RSPH10B2: variants seen among roughly 807,000 people sequenced by gnomAD.
RSPH10B2 encodes radial spoke head 10 homolog B2.
Under a neutral mutation model 49.0 loss-of-function variants are expected in RSPH10B2, and 9 were observed. The ratio of observed to expected loss-of-function variants is 0.18; its 90% CI spans 0.11 to 0.32. RSPH10B2 has a LOEUF of 0.32. RSPH10B2 is among the 10% of genes least tolerant of loss of function. The pLI, the probability that RSPH10B2 is intolerant of heterozygous loss-of-function variation, is 1.00. For synonymous variants in RSPH10B2, 35 were observed against 210.2 expected (o/e 0.17, Z 7.21); for missense variants, 95 against 589.9 (o/e 0.16, Z 8.69).
At chr7:6,768,049 G>A (rs868453022) in intron 6 of RSPH10B2, among the ~76,000 whole-genome samples, 4 of 148,332 alleles carry the variant, frequency 2.7e-5, no homozygotes, top group East Asian at 1.9e-4. Flanking sequence ...AAAATTAGCC[G>A]GGAGTGGTCT....
At position 6,797,864 on chromosome 7, in the gene RSPH10B2, A is replaced by AATAC. The variant is rs1554257881; in HGVS notation, c.2433-497_2433-494dup. Among the ~76,000 whole-genome samples, 75 of 71,334 alleles carry AATAC rather than the reference A, an allele frequency of 1.1e-3. 20 individuals are homozygous for AATAC. The highest frequency in any genetic ancestry group is 5.2e-3 in the African/African-American group (73 of 14,148). The allele number at this position is 71,334 out of a possible 152,430, so 46.8% of individuals were successfully genotyped here. On this transcript the variant is annotated intron_variant, in intron 18 of 18. Transcript: ENST00000297186. The stretch of plus-strand genomic sequence containing the variant: ...TAAGACCCTATCTCAAAAAAAAAAA[A>AATAC]ATACACACACACACACACACACACG...
intron 1 of RSPH10B2, among the ~76,000 whole-genome samples, chr7:6,758,360 T>C (rs1781149173): frequency 6.8e-6 from 1 of 147,970 alleles, no homozygotes; most frequent in Non-Finnish European, 1.5e-5. Flanking sequence ...TACATGGGCA[T>C]GTTGTGTGAT....
chr7:6,763,763 A>G (rs1209527486), intron 3 of RSPH10B2, among the ~76,000 whole-genome samples, 165 bp from the exon 6 acceptor site: 3 of 146,224 alleles, frequency 2.1e-5, no homozygotes, highest in African/African-American at 7.5e-5. Context: ...GAGAGCAGAC[A>G]AGGAAGGAAG....
chr7:6,771,104 A>T (rs1781629134), intron 7 of RSPH10B2: 1 of 61,358 alleles, frequency 1.6e-5, no homozygotes, highest in South Asian at 8.0e-4. Context: ...GAGCCTGATT[A>T]TGTGTAGAGT....
intron 10 of RSPH10B2, among the ~76,000 whole-genome samples, chr7:6,777,203 G>C (rs1781782501): frequency 1.7e-5 from 1 of 58,664 alleles, no homozygotes; most frequent in Non-Finnish European, 3.2e-5. Context: ...TTACAGGCAT[G>C]TGCCACCATG....
intron 11 of RSPH10B2, among the ~76,000 whole-genome samples, chr7:6,779,962 C>T (rs1215128422): frequency 1.5e-5 from 2 of 132,058 alleles, no homozygotes; most frequent in Non-Finnish European, 3.2e-5. Context: ...CATGTGCCAC[C>T]ATGCCTGGCT....
rs1053749951 is a variant in RSPH10B2 at position 6,786,721 on chromosome 7, ATG to A, written c.1867-147_1867-146del. 7.1e-5 allele frequency among the ~76,000 whole-genome samples: 10 copies of A among 140,424 alleles called. 1 individual carries two copies. The highest frequency in any genetic ancestry group is 1.4e-4 in the Non-Finnish European group (9 of 65,834). 92.1% of individuals were successfully genotyped at this position (140,424 alleles called of 152,430 possible). A position where few individuals can be genotyped will look rare whatever the true frequency, so the allele number is the denominator to read the frequency against. ...TGTGCGTGTCTGTGCGTGTGTGTGC[ATG>A]TGTGTGTGTCTTTGTGCACATGTCT... On this transcript the variant is annotated intron_variant, in intron 14 of 18. Transcript: ENST00000297186.
rs1781879038 is a variant in RSPH10B2, at chr7:6,780,119, A to G, written c.1529+395A>G. Among the ~76,000 whole-genome samples the G allele has an allele frequency of 1.8e-5, 2 of 110,376 alleles. 1 individual carries two copies. The allele number at this position is 110,376 out of a possible 152,430, so 72.4% of individuals were successfully genotyped here. ...ATTACAGGCGTGAGCCACCATGCCC[A>G]GCCTCAGCAGTCTTTTTTTAACATA... On this transcript the variant is annotated intron_variant, in intron 11 of 18. Coordinates refer to ENST00000297186, the Ensembl canonical transcript of RSPH10B2.
At position 6,779,924 on chromosome 7, in the gene RSPH10B2, C is replaced by T. The variant is rs1237307884; in HGVS notation, c.1529+200C>T. Among the ~76,000 whole-genome samples the T allele has an allele frequency of 4.6e-5, 6 of 131,794 alleles. 2 individuals are homozygous for T. Among genetic ancestry groups the T allele is most frequent in the African/African-American group, 1.7e-4 (6 of 35,900 alleles). 86.5% of individuals were successfully genotyped at this position (131,794 alleles called of 152,430 possible). On this transcript the variant is annotated intron_variant, in intron 11 of 18. Coordinates refer to ENST00000297186, the Ensembl canonical transcript of RSPH10B2. ...CCCGGTTCAAGCAATTCTTCTGCCT[C>T]GGGCTCCTGGGTAGCTGAGATGACA...
In RSPH10B2 at chr7:6,785,427, G is replaced by A. The variant is rs553702621; in HGVS notation, c.1759-522G>A. Among the ~76,000 whole-genome samples the A allele has an allele frequency of 4.8e-4, 73 of 152,378 alleles. No individual in the cohort carries two copies. The South Asian group carries it at 7.5e-3, about 16-fold the overall frequency. On this transcript the variant is annotated intron_variant, in intron 13 of 18. Coordinates refer to ENST00000297186, the Ensembl canonical transcript of RSPH10B2. ...GCCTGGGCTCAAGTGATCCTCCCAC[G>A]TCGGCCTCACAAGGTTCTGGGATTA...
intron 3 of RSPH10B2, among the ~76,000 whole-genome samples, chr7:6,760,917 G>T (rs1583495512): frequency 6.2e-5 from 2 of 32,054 alleles, no homozygotes; most frequent in African/African-American, 1.5e-4. Flanking sequence ...TTGCCATGTT[G>T]CCCAGGCTGG....
At chr7:6,780,202 T>C (rs1186367982) in intron 11 of RSPH10B2, among the ~76,000 whole-genome samples, 1 of 113,898 alleles carries the variant, frequency 8.8e-6, no homozygotes, top group African/African-American at 3.2e-5. Context: ...CACAAAGCCA[T>C]GACATACTGG....
chr7:6,784,686 C>G (rs905164842), intron 13 of RSPH10B2, among the ~76,000 whole-genome samples: 1 of 129,130 alleles, frequency 7.7e-6, no homozygotes, highest in Non-Finnish European at 1.6e-5. Context: ...TTGCCTCAGC[C>G]TCCCGAGTAG....
chr7:6,795,656 G>A (rs985086994), intron 17 of RSPH10B2, among the ~76,000 whole-genome samples: 1 of 142,034 alleles, frequency 7.0e-6, no homozygotes, highest in African/African-American at 2.6e-5. Context: ...AGCTACTTGG[G>A]AGGCTGAGGT....
intron 14 of RSPH10B2, among the ~76,000 whole-genome samples, chr7:6,786,330 C>A (rs1175538217): frequency 9.1e-6 from 1 of 110,292 alleles, no homozygotes; most frequent in Non-Finnish European, 1.8e-5. Flanking sequence ...CTACAGGCGC[C>A]CGCCACCACG....
chr7:6,787,673 C>CTTT (rs1292117607), intron 15 of RSPH10B2, among the ~76,000 whole-genome samples: 1 of 25,132 alleles, frequency 4.0e-5, no homozygotes, highest in Non-Finnish European at 6.0e-5. Context: ...CCAGCTAATT[C>CTTT]TTTTTTTTTT....
intron 12 of RSPH10B2, 72 bp from the exon 15 acceptor site, chr7:6,781,256 G>A (rs1353210127): frequency 1.6e-6 from 2 of 1,284,848 alleles, no homozygotes; most frequent in Non-Finnish European, 2.0e-6. Context: ...AAAAGCAATA[G>A]GATTATATTT....
At position 6,781,873 on chromosome 7, in the gene RSPH10B2, T is replaced by TATATATATATAAATATATATATAATAA. The variant is rs1781947864; in HGVS notation, c.1758+408_1758+434dup. Among the ~76,000 whole-genome samples the TATATATATATAAATATATATATAATAA allele has an allele frequency of 3.7e-5, 4 of 108,012 alleles. 1 individual carries two copies. The highest frequency in any genetic ancestry group is 1.4e-4 in the African/African-American group (4 of 28,038). 70.9% of individuals were successfully genotyped at this position (108,012 alleles called of 152,430 possible). A position where few individuals can be genotyped will look rare whatever the true frequency, so the allele number is the denominator to read the frequency against. Reference sequence around the variant, plus strand: ...CCATGGGCCATTGTCTTAAAAAATATATATATATATAAATATATATATAAT... The same window carrying TATATATATATAAATATATATATAATAA: ...CCATGGGCCATTGTCTTAAAAAATATATATATATATAAATATATATATAATAAATATATATATAAATATATATATAAT... On this transcript the variant is annotated intron_variant, in intron 13 of 18. Coordinates refer to ENST00000297186, the Ensembl canonical transcript of RSPH10B2.
chr7:6,783,050 T>C lies in RSPH10B2; in HGVS notation c.1758+1574T>C, dbSNP rs1463272463. Among the ~76,000 whole-genome samples the C allele has an allele frequency of 1.6e-5, 2 of 126,238 alleles. 1 individual carries two copies. Among genetic ancestry groups the C allele is most frequent in the Non-Finnish European group, 3.3e-5 (2 of 60,562 alleles). 82.8% of individuals were successfully genotyped at this position (126,238 alleles called of 152,430 possible). A position where few individuals can be genotyped will look rare whatever the true frequency, so the allele number is the denominator to read the frequency against. On this transcript the variant is annotated intron_variant, in intron 13 of 18. Coordinates refer to ENST00000297186, the Ensembl canonical transcript of RSPH10B2. The stretch of plus-strand genomic sequence containing the variant: ...TTGTTCCATGATACTTTTTTTTTTT[T>C]AGACAAAGTCTCGCTCTTTTGCCAG...
Sources: allele counts gnomAD v4.1 joint callset (sites outside exome capture counted in the v4.1 genomes callset), GRCh38; gene constraint gnomAD v4.1.1; transcripts MANE v1.5; gene names NCBI Gene and HGNC (gene_info 2026-07-23, HGNC 2026-07-21).